Variants in ZNRF3 observed in about 807,000 individuals in gnomAD.
ZNRF3 encodes the protein E3 ubiquitin-protein ligase ZNRF3.
A neutral mutation model predicts 72.5 loss-of-function variants in ZNRF3; 23 were observed. The observed-to-expected ratio is 0.32, with a 90% CI of 0.23 to 0.45. The LOEUF is 0.45. Among genes scored for constraint, ZNRF3 ranks in the 20% least tolerant of loss-of-function variants. ZNRF3 has a pLI of 1.00. For missense variants in ZNRF3, 1,169 were observed against 1,272.1 expected (o/e 0.92, Z 1.23); for synonymous variants, 610 against 545.3 (o/e 1.12, Z -1.65).
chr22:29,041,815 AT>A (rs2036968053), intron 2 of ZNRF3, among the ~76,000 whole-genome samples: 1 of 152,062 alleles, frequency 6.6e-6, no homozygotes, highest in South Asian at 2.1e-4. Context: ...AAAATTAACC[AT>A]TTTGAGACTC....
chr22:28,976,855 A>T (rs780554350), intron 1 of ZNRF3, among the ~76,000 whole-genome samples: 4 of 152,290 alleles, frequency 2.6e-5, no homozygotes, highest in East Asian at 1.9e-4. Flanking sequence ...TTAAAAAAAA[A>T]TTTAACTTAC....
At chr22:28,997,098 G>A (rs2036057071) in intron 2 of ZNRF3, among the ~76,000 whole-genome samples, 1 of 152,174 alleles carries the variant, frequency 6.6e-6, no homozygotes, top group Non-Finnish European at 1.5e-5. Context: ...TTTGCTGTGG[G>A]AAGGGGAGGA....
rs16986970 is a variant in ZNRF3, at chr22:29,018,182, C to T, written c.427-24313C>T. ...ATCTGAGAAGGATGAGAAGACAGCT[C>T]AGGGCATCATGTATGGAATGAACTG... On this transcript the variant is annotated intron_variant, in intron 2 of 8. Transcript: ENST00000544604. 2,142 of 407,638 alleles carry T rather than the reference C, an allele frequency of 5.3e-3. 43 individuals carry two copies. The highest frequency in any genetic ancestry group is 0.04 in the African/African-American group (1,958 of 49,242). The allele number at this position is 407,638 out of a possible 1,614,324, so 25.3% of individuals were successfully genotyped here. A position where few individuals can be genotyped will look rare whatever the true frequency, so the allele number is the denominator to read the frequency against.
chr22:29,012,769 G>A (rs2123853894), intron 2 of ZNRF3, among the ~76,000 whole-genome samples: 1 of 152,328 alleles, frequency 6.6e-6, no homozygotes, highest in Admixed American at 6.5e-5. Flanking sequence ...TAGGAAGGAT[G>A]CTTCTCCCTA....
Position 29,049,861 on chromosome 22 carries a change from C to T in ZNRF3, c.1680C>T (p.Cys560=), listed in dbSNP as rs765331096. 11 of 1,606,380 alleles carry T rather than the reference C, an allele frequency of 6.8e-6. No individual in the cohort carries two copies. Among genetic ancestry groups the T allele is most frequent in the Non-Finnish European group, 9.4e-6 (11 of 1,175,972 alleles). ...DSSSSSSSGQ[C]HCSSSDSVVD... ...GCAGCAGCAGCAGCTCCGGCCAGTG[C>T]CACTGTTCCTCCAGTGACTCTGTGG... is the stretch of plus-strand genomic sequence containing the variant. Residue 560 remains cysteine (C), a synonymous_variant, in exon 8 of 9, where the codon TGC becomes TGT. Transcript: ENST00000544604. The surrounding 1 kb of genome is among the most constrained non-coding windows in gnomAD (Gnocchi z 5.2).
intron 1 of ZNRF3, among the ~76,000 whole-genome samples, chr22:28,930,483 A>G (rs1223889358): frequency 6.6e-6 from 1 of 152,190 alleles, no homozygotes; most frequent in Non-Finnish European, 1.5e-5. Flanking sequence ...GAGAGTTGGA[A>G]GATTGGGTTC....
chr22:28,907,615 A>C (rs2034236160), intron 1 of ZNRF3, among the ~76,000 whole-genome samples: 1 of 152,170 alleles, frequency 6.6e-6, no homozygotes, highest in Non-Finnish European at 1.5e-5. Flanking sequence ...CAGCATATTT[A>C]GATTTGATTA....
At chr22:29,022,576 C>A (rs1430418330) in intron 2 of ZNRF3, among the ~76,000 whole-genome samples, 1 of 152,140 alleles carries the variant, frequency 6.6e-6, no homozygotes, top group Non-Finnish European at 1.5e-5. Flanking sequence ...TAAATTACTT[C>A]ATGAAGTTTC....
At chr22:29,008,868 T>A (rs2036302926) in intron 2 of ZNRF3, among the ~76,000 whole-genome samples, 1 of 152,248 alleles carries the variant, frequency 6.6e-6, no homozygotes, top group Non-Finnish European at 1.5e-5. Context: ...GGTAGCCAAT[T>A]ACTCTTTTTT....
intron 1 of ZNRF3, among the ~76,000 whole-genome samples, chr22:28,909,498 A>G (rs1402332457): frequency 1.2e-4 from 18 of 152,166 alleles, no homozygotes; most frequent in African/African-American, 3.1e-4. Flanking sequence ...CAGAGTGACT[A>G]TGCAAATCAG....
chr22:29,016,687 A>G (rs780347594), intron 2 of ZNRF3, among the ~76,000 whole-genome samples: 8 of 152,224 alleles, frequency 5.3e-5, no homozygotes, highest in Non-Finnish European at 1.2e-4. Context: ...ATGTTTTCAT[A>G]TTCAGATTTA....
intron 2 of ZNRF3, chr22:28,992,820 G>T (rs192102467): frequency 6.6e-6 from 1 of 152,314 alleles, no homozygotes; most frequent in East Asian, 1.9e-4. Context: ...GTACTACATA[G>T]AATCAAATCC....
rs1474954278 is a variant in ZNRF3, at chr22:29,049,425, A to G, written c.1244A>G (p.Tyr415Cys). The G allele has an allele frequency of 6.2e-6, 10 of 1,607,044 alleles. No homozygotes were observed. Among genetic ancestry groups the G allele is most frequent in the African/African-American group, 1.3e-5 (1 of 74,856 alleles). Residue 415 changes from tyrosine (Y) to cysteine (C), a missense_variant, in exon 8 of 9, where the codon TAC becomes TGC. By Grantham distance (194) the Tyr-to-Cys change is radical. This residue lies in a region of ZNRF3 where 783 missense variants were observed against 731.4 expected (regional missense o/e 1.07). Transcript: ENST00000544604. This position sits in a 1 kb window ranked among gnomAD's most constrained non-coding sequence, Gnocchi z 5.2. ...CTCTATTCCCCGCAGACCCCCGCCT[A>G]CATCCGCAGCTACCCACCCCTCCAC... ...QSLYSPQTPA[Y>C]IRSYPPLHLD...
At chr22:29,052,982 A>T (rs1847955151) in intron 8 of ZNRF3, among the ~76,000 whole-genome samples, 1 of 152,016 alleles carries the variant, frequency 6.6e-6, no homozygotes, top group Non-Finnish European at 1.5e-5. Context: ...AATAATAATA[A>T]ATGTTAGCAT....
At chr22:28,973,278 C>A (rs2035608945) in intron 1 of ZNRF3, among the ~76,000 whole-genome samples, 1 of 152,154 alleles carries the variant, frequency 6.6e-6, no homozygotes, top group South Asian at 2.1e-4. Flanking sequence ...TGGTGCCTGG[C>A]CTTTTTTACA....
At position 28,884,051 on chromosome 22, in the gene ZNRF3, G is replaced by T; in HGVS notation, c.285G>T (p.Glu95Asp). Residue 95 changes from glutamate to aspartate, a missense_variant, in exon 1 of 9, where the codon GAG becomes GAT. This residue lies in a region of ZNRF3 where 386 missense variants were observed against 540.7 expected (regional missense o/e 0.71). Transcript: ENST00000544604. ...GGGCCGGGGCCACGCTCAGCGCCGA[G>T]GGCGAGATCGTGCAGGTAGCTGCCC... ...FSRAGATLSAEGEIVQMHPLG... is the reference protein window; with the variant it reads ...FSRAGATLSADGEIVQMHPLG... 7.8e-7 allele frequency: 1 copy of T among 1,283,212 alleles called. No individual in the cohort carries two copies. The highest frequency in any genetic ancestry group is 1.4e-5 in the South Asian group (1 of 69,930). The allele number at this position is 1,283,212 out of a possible 1,614,324, so 79.5% of individuals were successfully genotyped here. A position where few individuals can be genotyped will look rare whatever the true frequency, so the allele number is the denominator to read the frequency against.
chr22:29,004,343 C>T (rs1474101738), intron 2 of ZNRF3, among the ~76,000 whole-genome samples: 2 of 152,148 alleles, frequency 1.3e-5, no homozygotes, highest in Non-Finnish European at 2.9e-5. Flanking sequence ...TTTTCTCTCC[C>T]GTTAAATTGG....
At chr22:28,908,598 T>C (rs1286366938) in intron 1 of ZNRF3, among the ~76,000 whole-genome samples, 1 of 152,190 alleles carries the variant, frequency 6.6e-6, no homozygotes, top group Admixed American at 6.5e-5. Flanking sequence ...ATGGGGCATG[T>C]CACCCCATTC....
At chr22:28,977,207 T>G (rs1398993724) in intron 1 of ZNRF3, among the ~76,000 whole-genome samples, 2 of 152,170 alleles carry the variant, frequency 1.3e-5, no homozygotes, top group Non-Finnish European at 2.9e-5. Flanking sequence ...AACTCCACAG[T>G]CTTCAGGCCG....
Sources: allele counts gnomAD v4.1 joint callset (sites outside exome capture counted in the v4.1 genomes callset), GRCh38; gene constraint gnomAD v4.1.1; regional missense constraint gnomAD v4.1.1; non-coding constraint Gnocchi (gnomAD v3.1); transcripts MANE v1.5; gene names NCBI Gene and HGNC (gene_info 2026-07-23, HGNC 2026-07-21).